The following LRRC69 variants were observed in gnomAD, a reference collection of about 807,000 sequenced individuals.
LRRC69 encodes the protein leucine rich repeat containing 69.
LRRC69 carries 42 observed loss-of-function variants against 37.8 expected under a neutral mutation model. The observed-to-expected ratio is 1.11, with a 90% CI of 0.87 to 1.44. LRRC69 has a LOEUF of 1.44. LRRC69 is among the 40% of genes most tolerant of loss of function. LRRC69 has a pLI of 0.00. For synonymous variants in LRRC69, 141 were observed against 143.1 expected (o/e 0.99, Z 0.11); for missense variants, 357 against 401.9 (o/e 0.89, Z 0.96).
intron 5 of LRRC69, among the ~76,000 whole-genome samples, chr8:91,167,435 C>T (rs1047719219): frequency 1.1e-4 from 17 of 151,542 alleles, no homozygotes; most frequent in African/African-American, 3.1e-4. Flanking sequence ...TGGCTCCCTC[C>T]GACAACACAT....
chr8:91,210,259 T>C (rs1163812212), intron 7 of LRRC69, among the ~76,000 whole-genome samples: 1 of 152,146 alleles, frequency 6.6e-6, no homozygotes, highest in African/African-American at 2.4e-5. Context: ...TATCAAATAA[T>C]AGAATTAGGA....
intron 5 of LRRC69, among the ~76,000 whole-genome samples, 185 bp downstream of exon 5, chr8:91,135,924 C>T (rs1292978015): frequency 6.6e-6 from 1 of 151,838 alleles, no homozygotes. Flanking sequence ...GTGTTCTGTG[C>T]CTGCTGAACT....
At chr8:91,123,925 T>A (rs1293922629) in intron 1 of LRRC69, among the ~76,000 whole-genome samples, 3 of 151,708 alleles carry the variant, frequency 2.0e-5, no homozygotes, top group African/African-American at 7.3e-5. Flanking sequence ...TTTTCTACGC[T>A]CATTATACCA....
chr8:91,146,442 T>C (rs1430638899), intron 5 of LRRC69, among the ~76,000 whole-genome samples: 1 of 151,802 alleles, frequency 6.6e-6, no homozygotes, highest in Non-Finnish European at 1.5e-5. Flanking sequence ...AAGTAAACTT[T>C]AAAAAATTAA....
chr8:91,203,841 C>T (rs546227415), intron 7 of LRRC69, among the ~76,000 whole-genome samples: 15 of 151,686 alleles, frequency 9.9e-5, no homozygotes, highest in African/African-American at 2.7e-4. Flanking sequence ...GATTTCTAGC[C>T]GGGCACGGTG....
intron 1 of LRRC69, among the ~76,000 whole-genome samples, chr8:91,112,016 G>A (rs963601737): frequency 2.8e-4 from 42 of 151,932 alleles, no homozygotes; most frequent in African/African-American, 1.0e-3. Flanking sequence ...TAAATCTCAA[G>A]GGGAAGCATT....
chr8:91,157,360 C>A, intron 5 of LRRC69: 2 of 1,608,322 alleles, frequency 1.2e-6, no homozygotes, highest in Non-Finnish European at 1.7e-6. Context: ...AGAAGTAGGA[C>A]CCACTAATGC....
intron 1 of LRRC69, among the ~76,000 whole-genome samples, chr8:91,112,548 T>C (rs1217016695): frequency 6.6e-6 from 1 of 152,084 alleles, no homozygotes; most frequent in Non-Finnish European, 1.5e-5. Flanking sequence ...CATTCATGAT[T>C]AAAGCTCTCA....
chr8:91,112,567 G>C (rs1382528367), intron 1 of LRRC69, among the ~76,000 whole-genome samples: 1 of 151,900 alleles, frequency 6.6e-6, no homozygotes, highest in Non-Finnish European at 1.5e-5. Context: ...CAACAAAATA[G>C]GTATAGAAGC....
chr8:91,105,901 A>G (rs1458902298), intron 1 of LRRC69, among the ~76,000 whole-genome samples: 1 of 152,040 alleles, frequency 6.6e-6, no homozygotes, highest in Non-Finnish European at 1.5e-5. Context: ...GTGATGAGCA[A>G]AACAGGTGGA....
At chr8:91,172,824 C>T (rs1039480072) in intron 5 of LRRC69, among the ~76,000 whole-genome samples, 4 of 151,988 alleles carry the variant, frequency 2.6e-5, no homozygotes, top group African/African-American at 9.7e-5. Context: ...TAAACTCTTT[C>T]ATCTATTAGC....
intron 1 of LRRC69, among the ~76,000 whole-genome samples, chr8:91,110,455 C>T (rs143162082): frequency 0.014 from 2,177 of 152,110 alleles, 68 homozygotes; most frequent in African/African-American, 0.05. Flanking sequence ...GCCTTACCAA[C>T]ATGGTGAAAC....
intron 6 of LRRC69, among the ~76,000 whole-genome samples, chr8:91,196,356 G>T (rs1478968753): frequency 1.3e-5 from 2 of 151,624 alleles, no homozygotes; most frequent in African/African-American, 4.9e-5. Context: ...TATCTTTGTT[G>T]TGTTCTCTGT....
chr8:91,208,532 CA>C (rs144829090), intron 7 of LRRC69, among the ~76,000 whole-genome samples: 38 of 152,240 alleles, frequency 2.5e-4, no homozygotes, highest in African/African-American at 8.4e-4. Context: ...GCACAATAAA[CA>C]GGGCTTTCTT....
At chr8:91,208,309 T>C (rs1382946060) in intron 7 of LRRC69, among the ~76,000 whole-genome samples, 1 of 152,080 alleles carries the variant, frequency 6.6e-6, no homozygotes, top group Non-Finnish European at 1.5e-5. Context: ...AAATTGTTTA[T>C]ATAAGTGAGA....
chr8:91,117,246 A>G (rs62526682), intron 1 of LRRC69, among the ~76,000 whole-genome samples: 69,921 of 151,842 alleles, frequency 0.46, 17,873 homozygotes, highest in South Asian at 0.65. Flanking sequence ...TTAAGTCACA[A>G]TACATCCATT....
At chr8:91,169,671 C>G (rs566324793) in intron 5 of LRRC69, among the ~76,000 whole-genome samples, 5 of 104,898 alleles carry the variant, frequency 4.8e-5, no homozygotes, top group Admixed American at 9.6e-5. Context: ...TCCCCTCCCC[C>G]CCTACCCCCA....
intron 6 of LRRC69, among the ~76,000 whole-genome samples, chr8:91,198,419 T>C (rs1486305230): frequency 6.6e-6 from 1 of 152,164 alleles, no homozygotes; most frequent in African/African-American, 2.4e-5. Flanking sequence ...GAATTTTTGC[T>C]CTTGATGCTA....
At chr8:91,148,532 G>T (rs1433392002) in intron 5 of LRRC69, among the ~76,000 whole-genome samples, 3 of 151,764 alleles carry the variant, frequency 2.0e-5, no homozygotes, top group Non-Finnish European at 2.9e-5. Flanking sequence ...GAATAGTGCC[G>T]CAATAAACAT....
Sources: gnomAD v4.1 joint callset for allele counts (sites outside exome capture counted in the v4.1 genomes callset) on GRCh38, gnomAD v4.1.1 for gene constraint, MANE v1.5 for transcripts, NCBI Gene and HGNC (gene_info 2026-07-23, HGNC 2026-07-21) for gene names.